The following SLC9A2 variants were observed in gnomAD, a reference collection of about 807,000 sequenced individuals.
The protein encoded by SLC9A2 is solute carrier family 9 member A2, also known as sodium/hydrogen exchanger 2.
A neutral mutation model predicts 71.7 loss-of-function variants in SLC9A2; 42 were observed. That is an observed-to-expected ratio of 0.59 (90% CI 0.46 to 0.76). SLC9A2 has a LOEUF of 0.76. Among genes scored for constraint, SLC9A2 ranks in the 30% least tolerant of loss-of-function variants. SLC9A2 has a pLI of 0.00. For missense variants in SLC9A2, 829 were observed against 1,017.4 expected (o/e 0.81, Z 2.52); for synonymous variants, 396 against 392.5 (o/e 1.01, Z -0.10).
chr2:102,645,031 A>G (rs1676690603), intron 1 of SLC9A2, among the ~76,000 whole-genome samples: 1 of 152,162 alleles, frequency 6.6e-6, no homozygotes, highest in Non-Finnish European at 1.5e-5. Context: ...GGGTCGACAG[A>G]CACCTCATAC....
At chr2:102,682,016 G>T (rs1372165524) in intron 3 of SLC9A2, among the ~76,000 whole-genome samples, 3 of 152,196 alleles carry the variant, frequency 2.0e-5, no homozygotes, top group Non-Finnish European at 2.9e-5. Context: ...CACATGATGG[G>T]AGTAGAGGGA....
At chr2:102,681,745 G>T (rs1677456015) in intron 3 of SLC9A2, among the ~76,000 whole-genome samples, 1 of 152,160 alleles carries the variant, frequency 6.6e-6, no homozygotes, top group African/African-American at 2.4e-5. Context: ...CACTTATTCT[G>T]GGGACAGTGA....
rs1472158887 is a variant in SLC9A2 at position 102,708,379 on chromosome 2, A to C, written c.2329A>C (p.Arg777=). The C allele has an allele frequency of 6.2e-7, 1 of 1,614,064 alleles. No individual in the cohort carries two copies. Among genetic ancestry groups the C allele is most frequent in the Non-Finnish European group, 8.5e-7 (1 of 1,180,044 alleles). The change falls in exon 12 of 12, where the codon AGG becomes CGG. Residue 777 remains arginine, a synonymous_variant. Coordinates refer to ENST00000233969, the MANE Select transcript of SLC9A2 (RefSeq NM_003048.6). ...CTCTAAAGACCAGTCTGGCTCAGAG[A>C]GGGAAGACAGTTTGACTGAAGGCAT... ...LLSKDQSGSE[R]EDSLTEGIPP... is the part of the protein sequence containing the mutation.
At chr2:102,659,862 T>C (rs1449626775) in intron 2 of SLC9A2, among the ~76,000 whole-genome samples, 1 of 152,190 alleles carries the variant, frequency 6.6e-6, no homozygotes, top group Non-Finnish European at 1.5e-5. Flanking sequence ...CTGAGGACCT[T>C]TGAATGGGAA....
At chr2:102,700,259 G>A (rs1044231949) in intron 7 of SLC9A2, among the ~76,000 whole-genome samples, 3 of 152,174 alleles carry the variant, frequency 2.0e-5, no homozygotes, top group African/African-American at 4.8e-5. Context: ...GGGTTTGGCC[G>A]AGAGGTTGGA....
chr2:102,660,804 C>T (rs114529162), intron 2 of SLC9A2, among the ~76,000 whole-genome samples: 6 of 152,088 alleles, frequency 3.9e-5, no homozygotes, highest in East Asian at 3.9e-4. Flanking sequence ...ATTAAAAATA[C>T]GGACCATGAT....
At chr2:102,702,943 C>G (rs957705951) in intron 9 of SLC9A2, among the ~76,000 whole-genome samples, 21 of 152,214 alleles carry the variant, frequency 1.4e-4, no homozygotes, top group African/African-American at 4.8e-4. Context: ...AACACAGCTA[C>G]AGAGTAGAGA....
chr2:102,688,491 A>G (rs1677595941), intron 5 of SLC9A2, among the ~76,000 whole-genome samples: 2 of 152,218 alleles, frequency 1.3e-5, no homozygotes, highest in Admixed American at 6.5e-5. Context: ...GCACTTTGGG[A>G]GGCCAAGGCG....
In SLC9A2 at chr2:102,646,768, A is replaced by ATATAT. The variant is rs1676731084; in HGVS notation, c.290-10796_290-10795insTATAT. ...GCAGCAAGAAGAGCTAACGATCCTA[A>ATATAT]ATATATATATATATATATATATCTC... is the stretch of plus-strand genomic sequence containing the variant. On this transcript the variant is annotated intron_variant, in intron 1 of 11. Coordinates refer to ENST00000233969, the MANE Select transcript of SLC9A2 (RefSeq NM_003048.6). 3.2e-4 allele frequency among the ~76,000 whole-genome samples: 43 copies of ATATAT among 132,976 alleles called. 1 individual carries two copies. The highest frequency in any genetic ancestry group is 1.3e-3 in the African/African-American group (43 of 32,160). The allele number at this position is 132,976 out of a possible 152,430, so 87.2% of individuals were successfully genotyped here.
intron 5 of SLC9A2, among the ~76,000 whole-genome samples, chr2:102,688,797 T>C (rs73947645): frequency 0.046 from 7,003 of 152,286 alleles, 282 homozygotes; most frequent in African/African-American, 0.11. Flanking sequence ...GTTCTTTCAA[T>C]ATATTTTTCT....
At chr2:102,693,935 G>T (rs1015457485) in intron 5 of SLC9A2, among the ~76,000 whole-genome samples, 1 of 152,082 alleles carries the variant, frequency 6.6e-6, no homozygotes, top group African/African-American at 2.4e-5. Flanking sequence ...CAACAAGTAG[G>T]TGATTCCTCT....
intron 3 of SLC9A2, 86 bp downstream of exon 3, chr2:102,665,436 T>G: frequency 7.4e-7 from 1 of 1,353,652 alleles, no homozygotes; most frequent in South Asian, 1.4e-5. Flanking sequence ...GTTGAATAAG[T>G]TATATGAAAC....
Position 102,700,343 on chromosome 2 carries a change from C to T in SLC9A2, c.1587-727C>T, listed in dbSNP as rs138326552. 9.9e-5 allele frequency among the ~76,000 whole-genome samples: 15 copies of T among 152,158 alleles called. 1 individual carries two copies. The South Asian group carries it at 2.9e-3, about 29-fold the overall frequency. On this transcript the variant is annotated intron_variant, in intron 7 of 11. Transcript: ENST00000233969. ...GCTAGGAGACTGGGCAAGATGGTGA[C>T]GGGAGTGAGTGGCGGTATGAAAGAG...
At position 102,708,287 on chromosome 2, in the gene SLC9A2, C is replaced by A. The variant is rs775747049; in HGVS notation, c.2237C>A (p.Thr746Asn). 9 of 1,613,608 alleles carry A rather than the reference C, an allele frequency of 5.6e-6. No homozygotes were observed. Among genetic ancestry groups the A allele is most frequent in the Admixed American group, 3.3e-5 (2 of 59,984 alleles). ...DVDSGRDMPS[T>N]PPTPHSREKG... is the part of the protein sequence containing the mutation. ...GATTCTGGCCGAGATATGCCCAGCACCCCCCCAACACCCCACAGCAGAGAA... is the reference window on the plus strand; with the variant it reads ...GATTCTGGCCGAGATATGCCCAGCAACCCCCCAACACCCCACAGCAGAGAA... Residue 746 changes from threonine (T) to asparagine (N), a missense_variant, in exon 12 of 12, where the codon ACC (threonine) becomes AAC (asparagine). Thr to Asn is a moderately conservative substitution (Grantham distance 65). Coordinates refer to ENST00000233969, the MANE Select transcript of SLC9A2 (RefSeq NM_003048.6).
chr2:102,647,008 C>T (rs1194255815), intron 1 of SLC9A2, among the ~76,000 whole-genome samples: 2 of 152,066 alleles, frequency 1.3e-5, no homozygotes, highest in African/African-American at 4.8e-5. Context: ...CAGAATTGTA[C>T]ATTCTTCTCA....
chr2:102,634,595 C>T (rs1196878239), intron 1 of SLC9A2, among the ~76,000 whole-genome samples: 2 of 152,104 alleles, frequency 1.3e-5, no homozygotes, highest in Non-Finnish European at 2.9e-5. Context: ...TCCATTTGCT[C>T]CATAGCAAGT....
chr2:102,683,783 C>T (rs1677499230), intron 4 of SLC9A2, among the ~76,000 whole-genome samples: 1 of 151,926 alleles, frequency 6.6e-6, no homozygotes, highest in Non-Finnish European at 1.5e-5. Context: ...CTTCCTCTGC[C>T]TCTTCCTCTT....
intron 1 of SLC9A2, among the ~76,000 whole-genome samples, chr2:102,638,175 G>A (rs1676506973): frequency 8.9e-6 from 1 of 112,292 alleles, no homozygotes; most frequent in South Asian, 3.5e-4. Context: ...CTGCAAGCTT[G>A]CAAACTCTGC....
chr2:102,701,229 AAAGT>A lies in SLC9A2; in HGVS notation c.1748+4_1748+7del. The A allele has an allele frequency of 1.3e-6, 2 of 1,592,792 alleles. No individual in the cohort carries two copies. Among genetic ancestry groups the A allele is most frequent in the Non-Finnish European group, 1.7e-6 (2 of 1,172,416 alleles). On this transcript the variant is annotated splice_donor_variant and coding_sequence_variant, in exon 8 of 12. Coordinates refer to ENST00000233969, the MANE Select transcript of SLC9A2 (RefSeq NM_003048.6). LOFTEE classifies it high-confidence loss of function. Reference sequence around the variant, plus strand: ...GTACTGTCCCTACATTTGCATCTCTAAAGTAAGTATGGTCTTGCAAATAAAAGTT... The same window carrying A: ...GTACTGTCCCTACATTTGCATCTCTAAAGTATGGTCTTGCAAATAAAAGTT...
Sources: allele counts gnomAD v4.1 joint callset (sites outside exome capture counted in the v4.1 genomes callset), GRCh38; gene constraint gnomAD v4.1.1; transcripts MANE v1.5; gene names NCBI Gene and HGNC (gene_info 2026-07-23, HGNC 2026-07-21).